CDH12: variants seen among roughly 807,000 people sequenced by gnomAD.
CDH12 encodes cadherin 12, also known as cadherin-12.
CDH12 carries 41 observed loss-of-function variants against 74.1 expected under a neutral mutation model. That is an observed-to-expected ratio of 0.55 (90% CI 0.43 to 0.72). CDH12 has a LOEUF of 0.72. Among genes scored for constraint, CDH12 ranks in the 30% least tolerant of loss-of-function variants. The pLI, the probability that CDH12 is intolerant of heterozygous loss-of-function variation, is 0.00. For synonymous variants in CDH12, 399 were observed against 355.0 expected, an observed-to-expected ratio of 1.12 and a Z score of -1.39; for missense variants, 945 against 977.2, an observed-to-expected ratio of 0.97 and a Z score of 0.44.
intron 4 of CDH12, among the ~76,000 whole-genome samples, chr5:22,153,865 TATATATGTATATATATATATATAA>T (rs1747790893): frequency 1.6e-5 from 1 of 62,076 alleles, no homozygotes; most frequent in African/African-American, 6.1e-5. Context: ...TGTGTATATA[TATATATGTATATATATATATATAA>T]ATATATATAT....
chr5:21,898,450 C>T (rs530276134), intron 6 of CDH12, among the ~76,000 whole-genome samples: 1 of 152,186 alleles, frequency 6.6e-6, no homozygotes, highest in South Asian at 2.1e-4. Flanking sequence ...CGGCTGTAAT[C>T]CCAGCACTTT....
intron 5 of CDH12, among the ~76,000 whole-genome samples, chr5:22,044,634 T>C (rs1739806080): frequency 1.3e-5 from 2 of 152,098 alleles, no homozygotes; most frequent in African/African-American, 2.4e-5. Flanking sequence ...CAGAGAAGAA[T>C]AGCACGCATA....
At chr5:22,739,106 T>C (rs1744885291) in intron 1 of CDH12, among the ~76,000 whole-genome samples, 1 of 152,066 alleles carries the variant, frequency 6.6e-6, no homozygotes, top group Non-Finnish European at 1.5e-5. Flanking sequence ...CAAATGTCAC[T>C]AAAGAAAGAA....
In CDH12 at chr5:22,637,881, A is replaced by C. The variant is rs180862846; in HGVS notation, c.-522-132517T>G. Among the ~76,000 whole-genome samples the C allele has an allele frequency of 3.1e-3, 466 of 152,334 alleles. 1 individual carries two copies. Among genetic ancestry groups the C allele is most frequent in the Non-Finnish European group, 5.0e-3 (340 of 68,028 alleles). On this transcript the variant is annotated intron_variant, in intron 1 of 14. Transcript: ENST00000382254. ...TGTATAGTACAACTTCTTCAGCTTC[A>C]AATTGTTACTGCTATTGTTGCTGTT...
At chr5:22,355,235 A>G (rs1016539205) in intron 3 of CDH12, among the ~76,000 whole-genome samples, 25 of 152,078 alleles carry the variant, frequency 1.6e-4, no homozygotes, top group African/African-American at 5.8e-4. Flanking sequence ...CTTCCTTTTC[A>G]TGACTAATTT....
chr5:22,274,666 A>G (rs1736545054), intron 3 of CDH12, among the ~76,000 whole-genome samples: 1 of 152,116 alleles, frequency 6.6e-6, no homozygotes, highest in Non-Finnish European at 1.5e-5. Context: ...TATATATAAT[A>G]TGCACACAAA....
At chr5:21,958,511 T>G (rs1756201640) in intron 6 of CDH12, among the ~76,000 whole-genome samples, 1 of 152,224 alleles carries the variant, frequency 6.6e-6, no homozygotes, top group Non-Finnish European at 1.5e-5. Flanking sequence ...CTTTTGCATA[T>G]GGCTAGTTAG....
At chr5:22,743,647 TAC>T (rs1450788362) in intron 1 of CDH12, among the ~76,000 whole-genome samples, 1 of 152,146 alleles carries the variant, frequency 6.6e-6, no homozygotes, top group Admixed American at 6.6e-5. Context: ...TCCCAGGAGT[TAC>T]ACATGTTAAA....
At chr5:22,452,889 A>AT (rs1745105781) in intron 2 of CDH12, among the ~76,000 whole-genome samples, 1 of 146,698 alleles carries the variant, frequency 6.8e-6, no homozygotes, top group Non-Finnish European at 1.5e-5. Context: ...GCAAAAAAAA[A>AT]AAAAAAAAAA....
rs550292082 is a variant in CDH12, at chr5:22,199,831, G to C, written c.-187+12667C>G. Among the ~76,000 whole-genome samples, 4 of 152,154 alleles carry C rather than the reference G, an allele frequency of 2.6e-5. 1 individual carries two copies. The highest frequency in any genetic ancestry group is 7.2e-5 in the African/African-American group (3 of 41,506). On this transcript the variant is annotated intron_variant, in intron 4 of 14. Transcript: ENST00000382254. ...TGCCTTTCAGATGTTTGCCTTTAGG[G>C]GCACTGACAAAAAACATTTTATTTG... is the stretch of plus-strand genomic sequence containing the variant.
chr5:21,761,626 G>T (rs60397865), intron 12 of CDH12, among the ~76,000 whole-genome samples: 1 of 152,038 alleles, frequency 6.6e-6, no homozygotes, highest in Non-Finnish European at 1.5e-5. Context: ...GCTATTAAAC[G>T]TGAGATTCAG....
At chr5:22,525,501 AAAGG>A (rs955117869) in intron 1 of CDH12, among the ~76,000 whole-genome samples, 1 of 151,174 alleles carries the variant, frequency 6.6e-6, no homozygotes, top group Non-Finnish European at 1.5e-5. Context: ...AGAGAGAGAG[AAAGG>A]AAGGAAGGAA....
At chr5:21,850,485 T>C (rs1476171554) in intron 7 of CDH12, among the ~76,000 whole-genome samples, 2 of 151,648 alleles carry the variant, frequency 1.3e-5, no homozygotes, top group African/African-American at 4.8e-5. Context: ...AGCCTAAGTA[T>C]GTCTATAGTA....
chr5:22,125,099 T>C (rs1745770937), intron 4 of CDH12, among the ~76,000 whole-genome samples: 1 of 145,916 alleles, frequency 6.9e-6, no homozygotes, highest in Non-Finnish European at 1.5e-5. Flanking sequence ...GATACAACCA[T>C]TTTTTTTTTT....
intron 2 of CDH12, among the ~76,000 whole-genome samples, chr5:22,460,519 A>T (rs1217639700): frequency 1.3e-5 from 2 of 152,276 alleles, no homozygotes; most frequent in African/African-American, 4.8e-5. Flanking sequence ...TGGCTCAAAA[A>T]TTACTCATTA....
chr5:22,186,900 A>G (rs187568325), intron 4 of CDH12, among the ~76,000 whole-genome samples: 3 of 152,358 alleles, frequency 2.0e-5, no homozygotes, highest in Non-Finnish European at 2.9e-5. Context: ...TAAAAGCACT[A>G]AATAAATAAG....
chr5:22,428,425 A>T (rs915596359), intron 2 of CDH12, among the ~76,000 whole-genome samples: 7 of 151,870 alleles, frequency 4.6e-5, no homozygotes, highest in African/African-American at 1.7e-4. Context: ...AATTTTATAG[A>T]GGAATACACA....
intron 1 of CDH12, among the ~76,000 whole-genome samples, chr5:22,766,522 C>A (rs1388468104): frequency 6.6e-6 from 1 of 151,962 alleles, no homozygotes; most frequent in Non-Finnish European, 1.5e-5. Flanking sequence ...TTGAAAATTT[C>A]ATTGTATTTA....
At chr5:22,327,552 C>T (rs979483695) in intron 3 of CDH12, among the ~76,000 whole-genome samples, 1 of 151,558 alleles carries the variant, frequency 6.6e-6, no homozygotes, top group Non-Finnish European at 1.5e-5. Flanking sequence ...AACTTGATGC[C>T]TTCTGCATAT....
Sources: gnomAD v4.1 joint callset for allele counts (sites outside exome capture counted in the v4.1 genomes callset) on GRCh38, gnomAD v4.1.1 for gene constraint, MANE v1.5 for transcripts, NCBI Gene and HGNC (gene_info 2026-07-23, HGNC 2026-07-21) for gene names.